DPYD: variants seen among roughly 807,000 people sequenced by gnomAD.
The protein encoded by DPYD is dihydropyrimidine dehydrogenase [NADP(+)].
Under a neutral mutation model 116.2 loss-of-function variants are expected in DPYD, and 109 were observed. The observed-to-expected ratio is 0.94, with a 90% CI of 0.80 to 1.10. DPYD has a LOEUF of 1.10. Ranked by LOEUF, DPYD falls within the 50% of genes least tolerant of loss-of-function variation. The pLI, the probability that DPYD is intolerant of heterozygous loss-of-function variation, is 0.00. For synonymous variants in DPYD, 440 were observed against 432.0 expected, an observed-to-expected ratio of 1.02 and a Z score of -0.23; for missense variants, 1,302 against 1,254.5, an observed-to-expected ratio of 1.04 and a Z score of -0.57.
intron 16 of DPYD, among the ~76,000 whole-genome samples, chr1:97,339,425 CA>C (rs1419589727): frequency 3.3e-5 from 5 of 151,998 alleles, no homozygotes; most frequent in Admixed American, 1.3e-4. Flanking sequence ...TTCTTCTACT[CA>C]GAACAAAAAA....
At chr1:97,093,650 A>G (rs747798692) in intron 21 of DPYD, among the ~76,000 whole-genome samples, 1 of 152,190 alleles carries the variant, frequency 6.6e-6, no homozygotes, top group Non-Finnish European at 1.5e-5. Flanking sequence ...CATAGTTTGA[A>G]CCTAGGCAGT....
At chr1:97,551,619 A>C (rs951594209) in intron 11 of DPYD, among the ~76,000 whole-genome samples, 2 of 152,048 alleles carry the variant, frequency 1.3e-5, no homozygotes, top group African/African-American at 4.8e-5. Context: ...TTTTACATTT[A>C]TCTCATGTTT....
intron 5 of DPYD, chr1:97,720,600 A>G: frequency 8.8e-7 from 1 of 1,138,110 alleles, no homozygotes; most frequent in Non-Finnish European, 1.1e-6. Flanking sequence ...ATTTATTACT[A>G]AGAGCAAAGT....
At chr1:97,171,243 G>A (rs931772279) in intron 20 of DPYD, among the ~76,000 whole-genome samples, 1 of 152,144 alleles carries the variant, frequency 6.6e-6, no homozygotes, top group African/African-American at 2.4e-5. Flanking sequence ...ATGATGAAAG[G>A]TTGAGGAAAG....
chr1:97,820,451 T>A (rs1668863497), intron 3 of DPYD, among the ~76,000 whole-genome samples: 1 of 152,166 alleles, frequency 6.6e-6, no homozygotes, highest in Admixed American at 6.5e-5. Flanking sequence ...ACAATGACAT[T>A]AAAGCAATTT....
At chr1:97,398,322 A>G (rs1484741866) in intron 14 of DPYD, among the ~76,000 whole-genome samples, 2 of 152,120 alleles carry the variant, frequency 1.3e-5, no homozygotes, top group African/African-American at 4.8e-5. Flanking sequence ...TATATGTTCC[A>G]TATTTTCTTA....
chr1:97,182,768 A>T (rs1004369503), intron 20 of DPYD, among the ~76,000 whole-genome samples: 5 of 152,126 alleles, frequency 3.3e-5, no homozygotes, highest in Non-Finnish European at 5.9e-5. Flanking sequence ...AAAGTCCCCC[A>T]AAAATGTTAT....
intron 3 of DPYD, among the ~76,000 whole-genome samples, chr1:97,771,513 A>AT (rs1233873689): frequency 6.6e-6 from 1 of 152,190 alleles, no homozygotes; most frequent in Non-Finnish European, 1.5e-5. Context: ...AAAAAAGCAT[A>AT]TTTTTACTGT....
chr1:97,918,367 G>A (rs1433661976), intron 1 of DPYD, among the ~76,000 whole-genome samples: 1 of 152,070 alleles, frequency 6.6e-6, no homozygotes, highest in African/African-American at 2.4e-5. Context: ...TCAGAAGCCA[G>A]GCTCTGAACC....
At chr1:97,836,298 T>C (rs772465206) in intron 2 of DPYD, among the ~76,000 whole-genome samples, 4 of 152,228 alleles carry the variant, frequency 2.6e-5, no homozygotes, top group Non-Finnish European at 4.4e-5. Flanking sequence ...GAATGTTAAA[T>C]GTCTCATTTA....
Position 97,078,346 on chromosome 1 carries a change from T to C in DPYD, c.*630A>G, listed in dbSNP as rs985290642. On this transcript the variant is annotated 3_prime_UTR_variant, in exon 23 of 23. Coordinates refer to ENST00000370192, the MANE Select transcript of DPYD (RefSeq NM_000110.4). The stretch of plus-strand genomic sequence containing the variant: ...GTGAATGGTATTTAGTTAGTAAATA[T>C]TCTCCCTATCCTCTATCCAACACCA... The C allele has an allele frequency of 6.2e-6, 1 of 162,114 alleles. No homozygotes were observed. The highest frequency in any genetic ancestry group is 1.4e-5 in the Non-Finnish European group (1 of 73,712). The allele number at this position is 162,114 out of a possible 1,614,324, so 10.0% of individuals were successfully genotyped here.
At chr1:97,291,397 T>C (rs972323047) in intron 18 of DPYD, among the ~76,000 whole-genome samples, 3 of 151,892 alleles carry the variant, frequency 2.0e-5, no homozygotes, top group Non-Finnish European at 4.4e-5. Flanking sequence ...CGTATGTTTA[T>C]TGTGGCACTA....
At chr1:97,299,653 A>C (rs534667294) in intron 18 of DPYD, among the ~76,000 whole-genome samples, 3 of 152,164 alleles carry the variant, frequency 2.0e-5, no homozygotes. Context: ...CCAGATGAAA[A>C]ATTATGCATC....
At chr1:97,436,691 A>C (rs1308871592) in intron 14 of DPYD, among the ~76,000 whole-genome samples, 3 of 152,084 alleles carry the variant, frequency 2.0e-5, no homozygotes, top group East Asian at 1.9e-4. Context: ...CCAGCATTTT[A>C]ATCTTCAGCA....
At chr1:97,701,203 A>G (rs1046549706) in intron 5 of DPYD, among the ~76,000 whole-genome samples, 1 of 148,096 alleles carries the variant, frequency 6.8e-6, no homozygotes, top group Non-Finnish European at 1.5e-5. Context: ...TATATTATAT[A>G]TATATATGAA....
rs1013992242 is a variant in DPYD, at chr1:97,531,495, T to A, written c.1525-15554A>T. 2.6e-5 allele frequency among the ~76,000 whole-genome samples: 4 copies of A among 152,192 alleles called. No individual in the cohort carries two copies. The South Asian group carries it at 8.3e-4, about 31-fold the overall frequency. ...CTCTCTATTGTTCCAATGCTCTACA[T>A]GTTTGTTTTTATGCCAGTAGCATAC... On this transcript the variant is annotated intron_variant, in intron 12 of 22. Transcript: ENST00000370192.
At chr1:97,497,050 A>C (rs1679305397) in intron 13 of DPYD, among the ~76,000 whole-genome samples, 1 of 151,906 alleles carries the variant, frequency 6.6e-6, no homozygotes, top group Non-Finnish European at 1.5e-5. Context: ...GATCTCAGGC[A>C]AGTCTTTTTT....
intron 2 of DPYD, among the ~76,000 whole-genome samples, chr1:97,862,516 A>G (rs910869069): frequency 1.1e-4 from 16 of 151,904 alleles, no homozygotes; most frequent in Non-Finnish European, 1.0e-4. Context: ...TTCCCTGACC[A>G]GTCAACAACT....
At chr1:97,792,099 C>T (rs1667348814) in intron 3 of DPYD, among the ~76,000 whole-genome samples, 1 of 152,112 alleles carries the variant, frequency 6.6e-6, no homozygotes, top group African/African-American at 2.4e-5. Flanking sequence ...AGTCATAATG[C>T]AGTACCGAGT....
Sources: allele counts gnomAD v4.1 joint callset (sites outside exome capture counted in the v4.1 genomes callset), GRCh38; gene constraint gnomAD v4.1.1; transcripts MANE v1.5; gene names NCBI Gene and HGNC (gene_info 2026-07-23, HGNC 2026-07-21).